Variants in PLSCR1 observed in about 807,000 individuals in gnomAD.
PLSCR1 encodes the protein PL scramblase 1.
In PLSCR1, 17 loss-of-function variants were observed where a neutral mutation model predicts 37.8. The ratio of observed to expected loss-of-function variants is 0.45; its 90% CI spans 0.31 to 0.68. The LOEUF is 0.68. PLSCR1 is among the 30% of genes least tolerant of loss of function. PLSCR1 has a pLI of 0.06. For synonymous variants in PLSCR1, 116 were observed against 125.9 expected (o/e 0.92, Z 0.53); for missense variants, 347 against 380.9 (o/e 0.91, Z 0.74).
At chr3:146,533,699 T>C (rs2044230192) in intron 2 of PLSCR1, 149 bp from the exon 3 acceptor site, 2 of 435,102 alleles carry the variant, frequency 4.6e-6, no homozygotes, top group South Asian at 6.3e-5. Flanking sequence ...ACGTAAGCTG[T>C]GCCTGTTCTC....
intron 4 of PLSCR1, among the ~76,000 whole-genome samples, chr3:146,525,971 C>T (rs181956604): frequency 2.6e-5 from 4 of 151,552 alleles, no homozygotes; most frequent in Non-Finnish European, 1.5e-5. Flanking sequence ...ATCACGAGGT[C>T]AGGAGATCGA....
chr3:146,541,594 T>G (rs1362924526), intron 1 of PLSCR1, among the ~76,000 whole-genome samples: 1 of 152,190 alleles, frequency 6.6e-6, no homozygotes, highest in Non-Finnish European at 1.5e-5. Flanking sequence ...AAGACTGACA[T>G]CCTTCAGTGA....
chr3:146,516,924 T>C, intron 8 of PLSCR1, 82 bp downstream of exon 8: 4 of 894,542 alleles, frequency 4.5e-6, no homozygotes, highest in Non-Finnish European at 6.9e-6. Context: ...AAATGTCATT[T>C]TGAAATATAC....
At chr3:146,531,242 C>T (rs1046259773) in intron 3 of PLSCR1, among the ~76,000 whole-genome samples, 23 of 152,200 alleles carry the variant, frequency 1.5e-4, no homozygotes, top group Admixed American at 1.4e-3. Context: ...CTAACATAGG[C>T]CTTTAAAAAT....
chr3:146,541,990 C>A (rs1312480107), intron 1 of PLSCR1, among the ~76,000 whole-genome samples: 1 of 152,164 alleles, frequency 6.6e-6, no homozygotes, highest in Admixed American at 6.5e-5. Context: ...TACAGTCATG[C>A]ACCACAACAA....
intron 8 of PLSCR1, 80 bp downstream of exon 8, chr3:146,516,926 G>T: frequency 3.3e-6 from 3 of 900,996 alleles, no homozygotes; most frequent in South Asian, 1.7e-5. Context: ...ATGTCATTTT[G>T]AAATATACAC....
intron 5 of PLSCR1, among the ~76,000 whole-genome samples, chr3:146,524,797 T>C (rs957682356): frequency 4.6e-5 from 7 of 152,228 alleles, no homozygotes; most frequent in Admixed American, 2.0e-4. Context: ...TCCATTATTC[T>C]GCTTATACAA....
chr3:146,528,386 T>C, intron 4 of PLSCR1: 1 of 548,798 alleles, frequency 1.8e-6, no homozygotes, highest in South Asian at 2.1e-5. Flanking sequence ...ATGTTTGCTA[T>C]TGGCCATTAT....
chr3:146,517,026 T>C lies in PLSCR1; in HGVS notation c.880A>G (p.Ile294Val). Residue 294 changes from isoleucine to valine, a missense_variant, in exon 8 of 9, where the codon ATT (isoleucine) becomes GTT (valine). Coordinates refer to ENST00000342435, the MANE Select transcript of PLSCR1 (RefSeq NM_021105.3). Reference sequence around the variant, plus strand: ...CTTACAATGAGGAAACAGGCACCAATCATTACAGCTTTCATTTTAACATCA... The same window carrying C: ...CTTACAATGAGGAAACAGGCACCAACCATTACAGCTTTCATTTTAACATCA... The part of the protein sequence containing the change: ...DLDVKMKAVM[I>V]GACFLIDFMF... 1 of 1,596,458 alleles carries C rather than the reference T, an allele frequency of 6.3e-7. No homozygotes were observed. Among genetic ancestry groups the C allele is most frequent in the African/African-American group, 1.4e-5 (1 of 73,924 alleles).
chr3:146,517,053 G>T lies in PLSCR1; in HGVS notation c.853C>A (p.Leu285Ile). ...ATTACAGCTTTCATTTTAACATCAA[G>T]GTCTAAAGGGAACTGGATTCCAAAG... ...DNFGIQFPLD[L>I]DVKMKAVMIG... The change falls in exon 8 of 9, where the codon CTT becomes ATT. Residue 285 changes from leucine (L) to isoleucine (I), a missense_variant. By Grantham distance (5) the Leu-to-Ile change is conservative. Coordinates refer to ENST00000342435, the MANE Select transcript of PLSCR1 (RefSeq NM_021105.3). 6.2e-7 allele frequency: 1 copy of T among 1,603,148 alleles called. No homozygotes were observed. The highest frequency in any genetic ancestry group is 8.5e-7 in the Non-Finnish European group (1 of 1,174,084).
intron 3 of PLSCR1, among the ~76,000 whole-genome samples, chr3:146,532,862 T>C (rs1241446256): frequency 6.6e-6 from 1 of 152,218 alleles, no homozygotes; most frequent in East Asian, 1.9e-4. Context: ...TGTACTCAAT[T>C]ATGTATGTAG....
At chr3:146,524,370 C>A (rs940902607) in intron 5 of PLSCR1, among the ~76,000 whole-genome samples, 15 of 151,608 alleles carry the variant, frequency 9.9e-5, no homozygotes, top group Non-Finnish European at 1.9e-4. Context: ...CCTGAGTAAT[C>A]TTCATCTTTT....
intron 4 of PLSCR1, among the ~76,000 whole-genome samples, chr3:146,525,966 G>A (rs1012739260): frequency 1.5e-4 from 23 of 151,562 alleles, no homozygotes; most frequent in African/African-American, 4.4e-4. Flanking sequence ...GGCAGATCAC[G>A]AGGTCAGGAG....
chr3:146,541,815 T>C (rs1008489098), intron 1 of PLSCR1, among the ~76,000 whole-genome samples: 3 of 152,240 alleles, frequency 2.0e-5, no homozygotes, highest in Non-Finnish European at 4.4e-5. Context: ...ATAAGCACTC[T>C]ACCTTCATGA....
chr3:146,531,887 C>A (rs2044203881), intron 3 of PLSCR1, among the ~76,000 whole-genome samples: 1 of 152,014 alleles, frequency 6.6e-6, no homozygotes, highest in Admixed American at 6.6e-5. Context: ...TTAAAGTAGG[C>A]AGAACTTGAA....
intron 2 of PLSCR1, among the ~76,000 whole-genome samples, chr3:146,535,367 T>C (rs1227699019): frequency 6.6e-6 from 1 of 152,110 alleles, no homozygotes; most frequent in South Asian, 2.1e-4. Context: ...GGGGAATTCA[T>C]ACAAGGAGAA....
intron 1 of PLSCR1, among the ~76,000 whole-genome samples, chr3:146,537,838 C>A (rs1304843465): frequency 6.6e-6 from 1 of 152,142 alleles, no homozygotes; most frequent in Non-Finnish European, 1.5e-5. Context: ...TCACTGCATT[C>A]CAGCCTGGGT....
intron 2 of PLSCR1, among the ~76,000 whole-genome samples, chr3:146,535,274 AACAG>A (rs1315433158): frequency 3.3e-5 from 5 of 151,154 alleles, no homozygotes; most frequent in African/African-American, 1.2e-4. Flanking sequence ...CATATACAGG[AACAG>A]ACAGACTCAA....
chr3:146,521,858 C>G lies in PLSCR1; in HGVS notation c.551G>C (p.Cys184Ser). 1 of 1,613,504 alleles carries G rather than the reference C, an allele frequency of 6.2e-7. No homozygotes were observed. The highest frequency in any genetic ancestry group is 8.5e-7 in the Non-Finnish European group (1 of 1,179,480). ...CTCCTGAAGGCAGCAGGGACAACAA[C>G]AGCTGCTACATCTTAGTGGTCTCTC... Reference protein sequence around the residue: ...TLERPLRCSSCCCPCCLQEIE... With the variant: ...TLERPLRCSSSCCPCCLQEIE... The change falls in exon 6 of 9, where the codon TGT becomes TCT. Residue 184 changes from cysteine to serine, a missense_variant. By Grantham distance (112) the Cys-to-Ser change is moderately radical (BLOSUM62 -1). Coordinates refer to ENST00000342435, the MANE Select transcript of PLSCR1 (RefSeq NM_021105.3).
Sources: gnomAD v4.1 joint callset for allele counts (sites outside exome capture counted in the v4.1 genomes callset) on GRCh38, gnomAD v4.1.1 for gene constraint, MANE v1.5 for transcripts, NCBI Gene and HGNC (gene_info 2026-07-23, HGNC 2026-07-21) for gene names.